The following TMPRSS9 variants were observed in gnomAD, a reference collection of about 807,000 sequenced individuals.
TMPRSS9 encodes the protein transmembrane serine protease 9, also known as transmembrane protease serine 9.
A neutral mutation model predicts 111.4 loss-of-function variants in TMPRSS9; 113 were observed. The observed-to-expected ratio is 1.01, with a 90% CI of 0.87 to 1.19. The LOEUF is 1.19. Among genes scored for constraint, TMPRSS9 ranks in the 50% most tolerant of loss-of-function variants. TMPRSS9 has a pLI of 0.00. For synonymous variants in TMPRSS9, 805 were observed against 659.1 expected (o/e 1.22, Z -3.39); for missense variants, 1,803 against 1,513.1 (o/e 1.19, Z -3.18).
chr19:2,418,306 T>TTCCCTCCCTTTCCTTTCC (rs1971314173), intron 13 of TMPRSS9, among the ~76,000 whole-genome samples, 168 bp downstream of exon 14: 4 of 53,376 alleles, frequency 7.5e-5, no homozygotes, highest in African/African-American at 4.6e-4. Context: ...CTTCCCTCCC[T>TTCCCTCCCTTTCCTTTCC]TTCCCTCCCT....
chr19:2,397,394 G>A (rs948700637), intron 2 of TMPRSS9, among the ~76,000 whole-genome samples: 4 of 151,844 alleles, frequency 2.6e-5, no homozygotes, highest in Admixed American at 6.6e-5. Context: ...GGGTTCAAGC[G>A]ATTCTCCTGT....
chr19:2,403,938 A>G (rs1970909642), intron 6 of TMPRSS9, among the ~76,000 whole-genome samples: 1 of 148,274 alleles, frequency 6.7e-6, no homozygotes, highest in East Asian at 2.0e-4. Context: ...GCTTGCAGTG[A>G]GCCAAGATCA....
Position 2,407,533 on chromosome 19 carries a change from A to G in TMPRSS9, c.843-823A>G, listed in dbSNP as rs566059052. On this transcript the variant is annotated intron_variant, in intron 7 of 17. Transcript: ENST00000648592. ...CAGAGCGAGACTCTGTCTCAAAAAAACAAAACAAAACAAAAATGTTGATAC... is the reference window on the plus strand; with the variant it reads ...CAGAGCGAGACTCTGTCTCAAAAAAGCAAAACAAAACAAAAATGTTGATAC... Among the ~76,000 whole-genome samples the G allele has an allele frequency of 5.9e-5, 9 of 151,446 alleles. No individual in the cohort carries two copies. The East Asian group carries it at 1.6e-3, about 26-fold the overall frequency.
chr19:2,382,147 T>G (rs1194819820), intron 1 of TMPRSS9, among the ~76,000 whole-genome samples: 1 of 152,162 alleles, frequency 6.6e-6, no homozygotes, highest in Non-Finnish European at 1.5e-5. Flanking sequence ...AGCCAGAATT[T>G]CAGATTAACA....
chr19:2,414,049 T>C, intron 10 of TMPRSS9, 31 bp downstream of exon 11: 1 of 1,502,002 alleles, frequency 6.7e-7, no homozygotes, highest in African/African-American at 1.4e-5. Context: ...TAGAAGATGA[T>C]GTACGTGCCT....
Position 2,425,496 on chromosome 19 carries a change from G to A in TMPRSS9, c.3120+3G>A. ...AGGGTGGCGTGGACAGCTGCTCGGTGAGCCCCGCCCCGGCCCAGGGGACCA... is the reference window on the plus strand; with the variant it reads ...AGGGTGGCGTGGACAGCTGCTCGGTAAGCCCCGCCCCGGCCCAGGGGACCA... On this transcript the variant is annotated splice_donor_region_variant and intron_variant, in intron 17 of 17. Transcript: ENST00000648592. 4.4e-6 allele frequency: 7 copies of A among 1,574,394 alleles called. No individual in the cohort carries two copies. The highest frequency in any genetic ancestry group is 6.0e-6 in the Non-Finnish European group (7 of 1,167,146).
intron 1 of TMPRSS9, among the ~76,000 whole-genome samples, chr19:2,382,756 TACACAGATGCACACACGCAC>T (rs1970401915): frequency 3.3e-5 from 5 of 149,894 alleles, no homozygotes; most frequent in African/African-American, 1.2e-4. Context: ...CATCCACACA[TACACAGATGCACACACGCAC>T]ACACAGATGC....
intron 1 of TMPRSS9, among the ~76,000 whole-genome samples, chr19:2,368,088 A>G (rs1028989937): frequency 1.3e-5 from 2 of 152,140 alleles, no homozygotes; most frequent in Admixed American, 1.3e-4. Flanking sequence ...TATAGTTATC[A>G]AATTGTAACT....
chr19:2,390,231 GT>G (rs1198106187), intron 1 of TMPRSS9, among the ~76,000 whole-genome samples: 24 of 110,574 alleles, frequency 2.2e-4, no homozygotes, highest in Non-Finnish European at 3.1e-4. Context: ...ACCCAAAGTA[GT>G]TTTTTTTTTT....
chr19:2,416,489 G>A (rs1288574994), intron 11 of TMPRSS9, 49 bp from the exon 13 acceptor site: 1 of 1,565,288 alleles, frequency 6.4e-7, no homozygotes, highest in Admixed American at 1.7e-5. Flanking sequence ...CCCCAAGAAG[G>A]CGGGCATGTG....
chr19:2,424,316 CTGT>C lies in TMPRSS9; in HGVS notation c.2717+62_2717+64del, dbSNP rs563480795. 3.3e-4 allele frequency: 432 copies of C among 1,290,484 alleles called. 1 individual carries two copies. The African/African-American group carries it at 5.9e-3, about 18-fold the overall frequency. 79.9% of individuals were successfully genotyped at this position (1,290,484 alleles called of 1,614,324 possible). A position where few individuals can be genotyped will look rare whatever the true frequency, so the allele number is the denominator to read the frequency against. Reference sequence around the variant, plus strand: ...TCTCTGTAGCTCACCCGGAACCGAACTGTTGCCCGAAAACGCACCCTGACCCCC... The same window carrying C: ...TCTCTGTAGCTCACCCGGAACCGAACTGCCCGAAAACGCACCCTGACCCCC... On this transcript the variant is annotated intron_variant, in intron 15 of 17. Transcript: ENST00000648592.
chr19:2,365,530 G>A (rs935514116), intron 1 of TMPRSS9, among the ~76,000 whole-genome samples: 3 of 152,018 alleles, frequency 2.0e-5, no homozygotes, highest in South Asian at 2.1e-4. Context: ...TTTGGCTGCC[G>A]TGGGACCAAA....
chr19:2,410,279 A>G (rs1240356111), exon 9 of TMPRSS9: 1 of 1,613,856 alleles, frequency 6.2e-7, no homozygotes, highest in Non-Finnish European at 8.5e-7. Context: ...GAGGTGCTGC[A>G]GAAAGCCACT....
At chr19:2,379,474 C>T (rs969717852) in intron 1 of TMPRSS9, among the ~76,000 whole-genome samples, 9 of 151,382 alleles carry the variant, frequency 5.9e-5, no homozygotes, top group East Asian at 5.9e-4. Flanking sequence ...CATGAGCCAC[C>T]GTGCCCAGCA....
chr19:2,395,287 G>A (rs1387900173), intron 1 of TMPRSS9, among the ~76,000 whole-genome samples: 1 of 152,060 alleles, frequency 6.6e-6, no homozygotes, highest in East Asian at 1.9e-4. Flanking sequence ...AGGTGTGGTG[G>A]TCCACGCCTG....
At chr19:2,424,539 C>A in intron 15 of TMPRSS9, among the ~76,000 whole-genome samples, 1 of 139,250 alleles carries the variant, frequency 7.2e-6, no homozygotes, top group East Asian at 2.0e-4. Context: ...CTGCGGCCCC[C>A]CCCCTCCAGC....
chr19:2,400,400 G>T (rs1434486313), intron 4 of TMPRSS9, among the ~76,000 whole-genome samples: 1 of 151,962 alleles, frequency 6.6e-6, no homozygotes, highest in African/African-American at 2.4e-5. Context: ...AAATGAGCTG[G>T]GTGTGGTGGC....
At chr19:2,402,317 C>A (rs978943295) in intron 5 of TMPRSS9, among the ~76,000 whole-genome samples, 1 of 152,026 alleles carries the variant, frequency 6.6e-6, no homozygotes, top group Non-Finnish European at 1.5e-5. Flanking sequence ...GGCGTATTGC[C>A]TGTACTCTCA....
intron 1 of TMPRSS9, among the ~76,000 whole-genome samples, chr19:2,374,975 G>A (rs1052787213): frequency 1.3e-5 from 2 of 152,168 alleles, no homozygotes; most frequent in African/African-American, 2.4e-5. Flanking sequence ...GACGAAACAG[G>A]TCCCGTGGAG....
Sources: gnomAD v4.1 joint callset for allele counts (sites outside exome capture counted in the v4.1 genomes callset) on GRCh38, gnomAD v4.1.1 for gene constraint, MANE v1.5 for transcripts, NCBI Gene and HGNC (gene_info 2026-07-23, HGNC 2026-07-21) for gene names.